The following FHOD3 variants were observed in gnomAD, a reference collection of about 807,000 sequenced individuals.
FHOD3 encodes the protein formin homology 2 domain containing 3.
Under a neutral mutation model 173.0 loss-of-function variants are expected in FHOD3, and 90 were observed. That is an observed-to-expected ratio of 0.52 (90% CI 0.44 to 0.62). The LOEUF is 0.62. Among genes scored for constraint, FHOD3 ranks in the 20% least tolerant of loss-of-function variants. FHOD3 has a pLI of 0.00. For missense variants in FHOD3, 1,945 were observed against 2,034.7 expected, an observed-to-expected ratio of 0.96 and a Z score of 0.85; for synonymous variants, 828 against 823.0, an observed-to-expected ratio of 1.01 and a Z score of -0.10.
chr18:36,439,762 T>C (rs2051029629), intron 3 of FHOD3, among the ~76,000 whole-genome samples: 1 of 152,034 alleles, frequency 6.6e-6, no homozygotes, highest in African/African-American at 2.4e-5. Context: ...AGGTAGCTGG[T>C]GTTAAGTCCT....
chr18:36,334,850 T>C (rs1272783941), intron 1 of FHOD3, among the ~76,000 whole-genome samples: 4 of 152,062 alleles, frequency 2.6e-5, no homozygotes, highest in Non-Finnish European at 5.9e-5. Flanking sequence ...GAGGGAATCG[T>C]CCTGTCTGCC....
chr18:36,404,601 C>T (rs1276009353), intron 3 of FHOD3, among the ~76,000 whole-genome samples: 6 of 152,208 alleles, frequency 3.9e-5, no homozygotes, highest in Middle Eastern at 3.4e-3. Flanking sequence ...TGGTAGGTCT[C>T]GGGCGGGGCC....
intron 4 of FHOD3, among the ~76,000 whole-genome samples, chr18:36,511,959 C>T (rs1039949194): frequency 2.0e-5 from 3 of 152,208 alleles, no homozygotes; most frequent in African/African-American, 7.2e-5. Context: ...TCCTGTGGTT[C>T]TCAGCCCTTG....
chr18:36,613,104 C>G (rs79007131), intron 9 of FHOD3, among the ~76,000 whole-genome samples: 21,771 of 152,252 alleles, frequency 0.14, 1,666 homozygotes, highest in Non-Finnish European at 0.17. Context: ...ACATGGCCCC[C>G]AGGGCTGTCA....
At chr18:36,395,249 G>A (rs765068422) in intron 3 of FHOD3, among the ~76,000 whole-genome samples, 4 of 150,278 alleles carry the variant, frequency 2.7e-5, no homozygotes, top group South Asian at 2.1e-4. Flanking sequence ...CCTGGGAGGC[G>A]GAGCTTGCAG....
chr18:36,374,763 G>A (rs1304864990), intron 3 of FHOD3, among the ~76,000 whole-genome samples: 3 of 152,206 alleles, frequency 2.0e-5, no homozygotes, highest in Non-Finnish European at 4.4e-5. Flanking sequence ...AGAACTATTT[G>A]TGCCTCATCA....
intron 3 of FHOD3, among the ~76,000 whole-genome samples, chr18:36,473,392 T>C (rs1377552341): frequency 6.6e-6 from 1 of 152,134 alleles, no homozygotes; most frequent in African/African-American, 2.4e-5. Flanking sequence ...CCAGCCTGGG[T>C]GACAGAGTGA....
intron 8 of FHOD3, among the ~76,000 whole-genome samples, chr18:36,608,492 C>T (rs909377680): frequency 6.6e-6 from 1 of 152,200 alleles, no homozygotes; most frequent in Admixed American, 6.5e-5. Flanking sequence ...AAGTTTCCAA[C>T]ACATGAACTT....
At chr18:36,367,274 A>C (rs937265570) in intron 2 of FHOD3, among the ~76,000 whole-genome samples, 3 of 152,048 alleles carry the variant, frequency 2.0e-5, no homozygotes, top group Admixed American at 1.3e-4. Context: ...TTGCTTATCT[A>C]TTTTAGATAG....
intron 1 of FHOD3, among the ~76,000 whole-genome samples, chr18:36,330,661 C>G (rs2044946723): frequency 6.6e-6 from 1 of 152,108 alleles, no homozygotes; most frequent in African/African-American, 2.4e-5. Flanking sequence ...GCTGCTGCCA[C>G]CAGAGGTAGG....
In FHOD3 at chr18:36,423,484, C is replaced by T. The variant is rs1349940504; in HGVS notation, c.337+50740C>T. Among the ~76,000 whole-genome samples the T allele has an allele frequency of 2.0e-5, 3 of 152,164 alleles. No homozygotes were observed. In the East Asian group the frequency reaches 5.8e-4, roughly 29 times the overall value. ...AATCTGATGAGAATTCCTAAGTACACTCTGAGAATAGAAAGAAGGTGGATG... is the reference window on the plus strand; with the variant it reads ...AATCTGATGAGAATTCCTAAGTACATTCTGAGAATAGAAAGAAGGTGGATG... On this transcript the variant is annotated intron_variant, in intron 3 of 28. Coordinates refer to ENST00000590592, the MANE Select transcript of FHOD3 (RefSeq NM_001281740.3).
intron 19 of FHOD3, among the ~76,000 whole-genome samples, chr18:36,725,644 C>T (rs1251709702): frequency 6.6e-5 from 10 of 152,160 alleles, no homozygotes; most frequent in Admixed American, 1.3e-4. Context: ...CTTGGCCATT[C>T]CCACATCAGC....
chr18:36,381,713 TAAAG>T (rs574217057), intron 3 of FHOD3, among the ~76,000 whole-genome samples: 45 of 152,342 alleles, frequency 3.0e-4, no homozygotes, highest in African/African-American at 7.0e-4. Flanking sequence ...TATTTGTTGT[TAAAG>T]AAAGAAGCTA....
intron 5 of FHOD3, among the ~76,000 whole-genome samples, chr18:36,554,389 A>G (rs1032525126): frequency 6.6e-6 from 1 of 151,974 alleles, no homozygotes; most frequent in Admixed American, 6.6e-5. Context: ...CGCAAGGACA[A>G]AAAACCAAAC....
chr18:36,593,070 A>G (rs557511268), intron 6 of FHOD3, among the ~76,000 whole-genome samples: 2 of 152,324 alleles, frequency 1.3e-5, no homozygotes, highest in African/African-American at 4.8e-5. Flanking sequence ...AAAAGAACCA[A>G]TGAAAAAGGA....
intron 13 of FHOD3, among the ~76,000 whole-genome samples, chr18:36,654,838 A>G (rs1219527062): frequency 1.3e-5 from 2 of 152,106 alleles, no homozygotes; most frequent in African/African-American, 4.8e-5. Context: ...CACTGATTCC[A>G]CCTGCTCAAG....
At chr18:36,616,470 A>G (rs1433948021) in intron 9 of FHOD3, among the ~76,000 whole-genome samples, 14 of 152,132 alleles carry the variant, frequency 9.2e-5, no homozygotes, top group Admixed American at 9.2e-4. Flanking sequence ...CTCTTAAGCC[A>G]CCTCCTCAAC....
intron 3 of FHOD3, among the ~76,000 whole-genome samples, chr18:36,468,897 A>G (rs568296636): frequency 3.9e-5 from 6 of 152,268 alleles, no homozygotes; most frequent in African/African-American, 1.2e-4. Context: ...AGAACCTTTG[A>G]GGCGGCAGGT....
intron 15 of FHOD3, 110 bp from the exon 16 acceptor site, chr18:36,687,018 G>A: frequency 1.4e-6 from 1 of 709,212 alleles, no homozygotes. Flanking sequence ...ACATTTCTGA[G>A]GCAGTGCCAG....
Sources: gnomAD v4.1 joint callset for allele counts (sites outside exome capture counted in the v4.1 genomes callset) on GRCh38, gnomAD v4.1.1 for gene constraint, MANE v1.5 for transcripts, NCBI Gene and HGNC (gene_info 2026-07-23, HGNC 2026-07-21) for gene names.